ASIC2: variants seen among roughly 807,000 people sequenced by gnomAD.
ASIC2 encodes the protein acid-sensing ion channel 2.
A neutral mutation model predicts 57.3 loss-of-function variants in ASIC2; 25 were observed. The observed-to-expected ratio is 0.44, with a 90% CI of 0.32 to 0.61. The LOEUF is 0.61. Ranked by LOEUF, ASIC2 falls within the 20% of genes least tolerant of loss-of-function variation. The pLI is 0.06. For synonymous variants in ASIC2, 319 were observed against 307.5 expected (o/e 1.04, Z -0.39); for missense variants, 641 against 738.1 (o/e 0.87, Z 1.52).
At chr17:33,252,669 C>G (rs1908925703) in intron 1 of ASIC2, among the ~76,000 whole-genome samples, 1 of 152,012 alleles carries the variant, frequency 6.6e-6, no homozygotes, top group Non-Finnish European at 1.5e-5. Flanking sequence ...CTTGAACTAC[C>G]TGATCTCGTG....
At chr17:33,978,730 G>A (rs1297121145) in intron 1 of ASIC2, among the ~76,000 whole-genome samples, 1 of 152,172 alleles carries the variant, frequency 6.6e-6, no homozygotes, top group Non-Finnish European at 1.5e-5. Context: ...CCTACTGTCT[G>A]CAGATGCCTC....
chr17:33,967,192 C>A (rs907793489), intron 1 of ASIC2, among the ~76,000 whole-genome samples: 1 of 152,132 alleles, frequency 6.6e-6, no homozygotes, highest in African/African-American at 2.4e-5. Flanking sequence ...GCACCCACCC[C>A]CCAACCACCA....
chr17:33,393,236 A>G (rs1909963465), intron 1 of ASIC2, among the ~76,000 whole-genome samples: 1 of 152,186 alleles, frequency 6.6e-6, no homozygotes, highest in Admixed American at 6.5e-5. Flanking sequence ...TTCCCAATGT[A>G]CCTTAATGAC....
chr17:34,100,342 G>A (rs760086551), intron 1 of ASIC2, among the ~76,000 whole-genome samples: 6 of 152,088 alleles, frequency 3.9e-5, no homozygotes, highest in Non-Finnish European at 8.8e-5. Context: ...AGATGCTAAC[G>A]TCCCGATTAT....
rs539170496 is a variant in ASIC2 at position 33,958,330 on chromosome 17, G to T, written c.555+197648C>A. 6.6e-5 allele frequency among the ~76,000 whole-genome samples: 10 copies of T among 152,320 alleles called. No individual in the cohort carries two copies. The East Asian group carries it at 1.7e-3, about 26-fold the overall frequency. Reference sequence around the variant, plus strand: ...CAGTGCCCCATTGGAAACTTTGTGTGGGGGGTCTAACCTCACACTTCCCTT... The same window carrying T: ...CAGTGCCCCATTGGAAACTTTGTGTTGGGGGTCTAACCTCACACTTCCCTT... On this transcript the variant is annotated intron_variant, in intron 1 of 9. Coordinates refer to the ASIC2 transcript ENST00000359872.
chr17:33,799,404 TTTCTTTCTTTCTTTCTTTCTTTC>T (rs1567718940), intron 1 of ASIC2, among the ~76,000 whole-genome samples: 723 of 15,294 alleles, frequency 0.047, 11 homozygotes, highest in African/African-American at 0.089. Context: ...CTTTCTTTCT[TTTCTTTCTTTCTTTCTTTCTTTC>T]TTCTTTCTTT....
chr17:33,323,440 C>T (rs113084471), intron 1 of ASIC2, among the ~76,000 whole-genome samples: 7 of 152,276 alleles, frequency 4.6e-5, no homozygotes, highest in African/African-American at 1.2e-4. Flanking sequence ...CAGGCGGGCA[C>T]GGTGCCTCAC....
intron 1 of ASIC2, among the ~76,000 whole-genome samples, chr17:34,012,350 G>A (rs191445931): frequency 3.3e-5 from 5 of 152,200 alleles, no homozygotes; most frequent in African/African-American, 7.2e-5. Flanking sequence ...TCCACTAAAC[G>A]TCTCAGCCTT....
intron 3 of ASIC2, among the ~76,000 whole-genome samples, chr17:33,080,190 G>A (rs540477078): frequency 3.4e-4 from 52 of 152,184 alleles, no homozygotes; most frequent in African/African-American, 1.2e-3. Context: ...TATGAAGGGG[G>A]CCAAGGCAGA....
chr17:33,727,441 C>T (rs1411759352), intron 1 of ASIC2, among the ~76,000 whole-genome samples: 1 of 152,090 alleles, frequency 6.6e-6, no homozygotes. Flanking sequence ...GATCTGTGTC[C>T]CTGCCCAAAC....
chr17:33,412,220 G>T (rs926396553), intron 1 of ASIC2, among the ~76,000 whole-genome samples: 5 of 152,190 alleles, frequency 3.3e-5, no homozygotes, highest in African/African-American at 1.2e-4. Flanking sequence ...AGAGTTTATT[G>T]TATGACTGCC....
intron 1 of ASIC2, among the ~76,000 whole-genome samples, chr17:33,485,840 C>T (rs943785243): frequency 1.3e-5 from 2 of 152,164 alleles, no homozygotes; most frequent in African/African-American, 4.8e-5. Context: ...CACCCCAGTC[C>T]CGAGAGAACC....
At chr17:33,615,533 TC>T (rs1905574812) in intron 1 of ASIC2, among the ~76,000 whole-genome samples, 1 of 152,162 alleles carries the variant, frequency 6.6e-6, no homozygotes, top group African/African-American at 2.4e-5. Flanking sequence ...CTTGAAGGAC[TC>T]CCACTGCTAA....
At chr17:33,799,427 C>CTTTCTT (rs11439080) in intron 1 of ASIC2, among the ~76,000 whole-genome samples, 1 of 84,060 alleles carries the variant, frequency 1.2e-5, no homozygotes, top group Non-Finnish European at 2.4e-5. Context: ...TTCTTTCTTT[C>CTTTCTT]TTCTTTCTTT....
chr17:33,313,095 C>A (rs1219652451), intron 1 of ASIC2, among the ~76,000 whole-genome samples: 1 of 152,010 alleles, frequency 6.6e-6, no homozygotes, highest in Non-Finnish European at 1.5e-5. Context: ...ATTCCTTGAG[C>A]CCAAGAGTTC....
intron 1 of ASIC2, among the ~76,000 whole-genome samples, chr17:33,817,008 T>A (rs1016962401): frequency 2.6e-5 from 4 of 152,236 alleles, no homozygotes; most frequent in African/African-American, 4.8e-5. Context: ...TCACACCGCC[T>A]GGCAGGCACA....
intron 1 of ASIC2, among the ~76,000 whole-genome samples, chr17:33,985,021 CA>C (rs760312458): frequency 6.6e-5 from 10 of 152,172 alleles, no homozygotes; most frequent in Non-Finnish European, 1.3e-4. Context: ...CTGCTATAGG[CA>C]GTCTGAATAT....
intron 1 of ASIC2, among the ~76,000 whole-genome samples, chr17:34,021,160 G>A (rs1024602693): frequency 6.6e-6 from 1 of 151,840 alleles, no homozygotes; most frequent in Non-Finnish European, 1.5e-5. Flanking sequence ...TGGGTGACGG[G>A]TGCACCAAAA....
chr17:33,225,531 C>T (rs1391079), intron 1 of ASIC2, among the ~76,000 whole-genome samples: 1,599 of 152,324 alleles, frequency 0.01, 19 homozygotes, highest in African/African-American at 0.029. Context: ...AGAGTAAGCC[C>T]TCTGATACCT....
Sources: gnomAD v4.1 joint callset for allele counts (sites outside exome capture counted in the v4.1 genomes callset) on GRCh38, gnomAD v4.1.1 for gene constraint, MANE v1.5 for transcripts, NCBI Gene and HGNC (gene_info 2026-07-23, HGNC 2026-07-21) for gene names.